NEDD9: variants seen among roughly 807,000 people sequenced by gnomAD.
The protein encoded by NEDD9 is neural precursor cell expressed, developmentally down-regulated 9, also known as enhancer of filamentation 1.
Under a neutral mutation model 76.6 loss-of-function variants are expected in NEDD9, and 26 were observed. The ratio of observed to expected loss-of-function variants is 0.34; its 90% CI spans 0.25 to 0.47. NEDD9 has a LOEUF of 0.47. Ranked by LOEUF, NEDD9 falls within the 20% of genes least tolerant of loss-of-function variation. NEDD9 has a pLI of 1.00. For synonymous variants in NEDD9, 392 were observed against 414.2 expected (o/e 0.95, Z 0.65); for missense variants, 937 against 1,058.5 (o/e 0.89, Z 1.59).
At chr6:11,300,773 A>G (rs1761027558) in intron 3 of NEDD9, among the ~76,000 whole-genome samples, 1 of 152,230 alleles carries the variant, frequency 6.6e-6, no homozygotes, top group Non-Finnish European at 1.5e-5. Context: ...AAGCTTCATA[A>G]GTGAAGGAGA....
At chr6:11,359,157 T>C (rs1762633770) in intron 1 of NEDD9, among the ~76,000 whole-genome samples, 1 of 152,112 alleles carries the variant, frequency 6.6e-6, no homozygotes, top group Admixed American at 6.5e-5. Flanking sequence ...AAGGAAAGGC[T>C]AGAGGGGTTA....
chr6:11,341,174 A>T lies in NEDD9; in HGVS notation c.-213-6613T>A, dbSNP rs1005218861. The stretch of plus-strand genomic sequence containing the variant: ...TCAGACTATTTCGTCTCCTGTAAAC[A>T]ATTAGAAAACAGGACAAGGTATGTG... On this transcript the variant is annotated intron_variant, in intron 1 of 3. Coordinates refer to the NEDD9 transcript ENST00000397378. 2.0e-5 allele frequency among the ~76,000 whole-genome samples: 3 copies of T among 152,246 alleles called. No homozygotes were observed. The South Asian group carries it at 6.2e-4, about 31-fold the overall frequency.
At chr6:11,296,925 C>T (rs954778345) in intron 3 of NEDD9, among the ~76,000 whole-genome samples, 7 of 152,070 alleles carry the variant, frequency 4.6e-5, no homozygotes, top group Non-Finnish European at 8.8e-5. Flanking sequence ...GACATGGTTT[C>T]GCCATCTTGC....
At position 11,190,818 on chromosome 6, in the gene NEDD9, T is replaced by G. The variant is rs1376675686; in HGVS notation, c.1051A>C (p.Asn351His). 3 of 1,614,060 alleles carry G rather than the reference T, an allele frequency of 1.9e-6. No individual in the cohort carries two copies. The African/African-American group carries it at 4.0e-5, about 22-fold the overall frequency. The change falls in exon 5 of 7, where the codon AAC becomes CAC. Residue 351 changes from asparagine (N) to histidine (H), a missense_variant. Transcript: ENST00000379446. This position sits in a 1 kb window ranked among gnomAD's most constrained non-coding sequence, Gnocchi z 5.8. The stretch of plus-strand genomic sequence containing the variant: ...CGAGAGCCTTTAGCATCTGGCGGGT[T>G]ATGCAGAGGGACATCATAAACACCA... ...RDGVYDVPLH[N>H]PPDAKGSRDL...
upstream of NEDD9, among the ~76,000 whole-genome samples, chr6:11,233,880 C>G (rs1233853895): frequency 6.6e-6 from 1 of 152,074 alleles, no homozygotes; most frequent in Admixed American, 6.5e-5. Context: ...AAAATCAGCC[C>G]TTATTTTTTT....
rs146183247 is a variant in NEDD9 at position 11,299,281 on chromosome 6, G to T, written c.12+6711C>A. The stretch of plus-strand genomic sequence containing the variant: ...CGACCTGCAACGCTGCAGCTTGAGG[G>T]GGGGAGGGGCATCTGCCATTGCTGA... On this transcript the variant is annotated intron_variant, in intron 3 of 3. Transcript: ENST00000397378. Among the ~76,000 whole-genome samples the T allele has an allele frequency of 1.4e-4, 21 of 152,348 alleles. No individual in the cohort carries two copies. The East Asian group carries it at 3.3e-3, about 24-fold the overall frequency.
chr6:11,368,939 C>T (rs1762813486), intron 1 of NEDD9, among the ~76,000 whole-genome samples: 1 of 152,178 alleles, frequency 6.6e-6, no homozygotes, highest in Non-Finnish European at 1.5e-5. Context: ...ACTCATGTAA[C>T]ATTCAAAATC....
At chr6:11,196,347 G>A (rs767577602) in intron 2 of NEDD9, among the ~76,000 whole-genome samples, 1 of 152,074 alleles carries the variant, frequency 6.6e-6, no homozygotes, top group Non-Finnish European at 1.5e-5. Context: ...CCCAGAAGGG[G>A]ATTGGGAGCT....
At chr6:11,348,966 C>G (rs1762413241) in intron 1 of NEDD9, among the ~76,000 whole-genome samples, 1 of 152,164 alleles carries the variant, frequency 6.6e-6, no homozygotes, top group South Asian at 2.1e-4. Context: ...GCAAAAGAAA[C>G]TATCACCATA....
chr6:11,286,569 A>G (rs1330825019), intron 3 of NEDD9, among the ~76,000 whole-genome samples: 2 of 152,218 alleles, frequency 1.3e-5, no homozygotes, highest in Non-Finnish European at 2.9e-5. Flanking sequence ...AACAAACCAA[A>G]TATCTATCAA....
intron 3 of NEDD9, among the ~76,000 whole-genome samples, chr6:11,274,424 A>G (rs1208562299): frequency 1.3e-5 from 2 of 152,184 alleles, no homozygotes; most frequent in Non-Finnish European, 2.9e-5. Context: ...CCCTTTCACC[A>G]GGCTGTGAAT....
At chr6:11,259,074 G>A (rs985384670) in intron 3 of NEDD9, 4 of 152,204 alleles carry the variant, frequency 2.6e-5, no homozygotes, top group African/African-American at 9.6e-5. Flanking sequence ...TCTGCCAGGT[G>A]AGGTGTCCTT....
upstream of NEDD9, among the ~76,000 whole-genome samples, chr6:11,233,109 C>T (rs1759529969): frequency 1.3e-5 from 2 of 151,996 alleles, no homozygotes; most frequent in South Asian, 4.1e-4. Context: ...TTTCTGTCTC[C>T]GGGCCCCTTT....
intron 3 of NEDD9, among the ~76,000 whole-genome samples, chr6:11,246,538 C>G (rs369653578): frequency 6.6e-6 from 1 of 152,172 alleles, no homozygotes; most frequent in Admixed American, 6.5e-5. Context: ...TTTGCTGAAG[C>G]CTCCCTGACA....
At chr6:11,335,750 A>G (rs1406274356) in intron 1 of NEDD9, among the ~76,000 whole-genome samples, 1 of 152,242 alleles carries the variant, frequency 6.6e-6, no homozygotes. Flanking sequence ...TGTTGATAGT[A>G]ATTGTTCCTA....
At position 11,245,980 on chromosome 6, in the gene NEDD9, A is replaced by G. The variant is rs77641990; in HGVS notation, c.13-32253T>C. Among the ~76,000 whole-genome samples the G allele has an allele frequency of 5.7e-3, 866 of 152,074 alleles. 5 individuals carry two copies. The highest frequency in any genetic ancestry group is 0.019 in the African/African-American group (802 of 41,464). On this transcript the variant is annotated intron_variant, in intron 3 of 3. Coordinates refer to the NEDD9 transcript ENST00000397378. ...CTTTTTAAATTTAACAAGGATATCC[A>G]TCTGGAAAATGGATGTTTAAAAACT...
chr6:11,359,800 TCTC>T (rs1762645130), intron 1 of NEDD9, among the ~76,000 whole-genome samples: 1 of 152,204 alleles, frequency 6.6e-6, no homozygotes, highest in Non-Finnish European at 1.5e-5. Flanking sequence ...ATGAAGATGT[TCTC>T]CTGTTGAAGG....
At chr6:11,337,084 G>A (rs192533914) in intron 1 of NEDD9, among the ~76,000 whole-genome samples, 2 of 152,262 alleles carry the variant, frequency 1.3e-5, no homozygotes, top group East Asian at 3.9e-4. Flanking sequence ...TGGACGTGGT[G>A]GAGCATGCCT....
chr6:11,350,867 C>T (rs923420370), intron 1 of NEDD9, among the ~76,000 whole-genome samples: 5 of 152,072 alleles, frequency 3.3e-5, no homozygotes, highest in African/African-American at 7.2e-5. Context: ...CAACCAGGGT[C>T]GGGGGGTGGT....
Sources: gnomAD v4.1 joint callset for allele counts (sites outside exome capture counted in the v4.1 genomes callset) on GRCh38, gnomAD v4.1.1 for gene constraint, Gnocchi (gnomAD v3.1) non-coding constraint, MANE v1.5 for transcripts, NCBI Gene and HGNC (gene_info 2026-07-23, HGNC 2026-07-21) for gene names.